The following INTS4 variants were observed in gnomAD, a reference collection of about 807,000 sequenced individuals.
The protein encoded by INTS4 is MSTP093.
Under a neutral mutation model 119.5 loss-of-function variants are expected in INTS4, and 70 were observed. The ratio of observed to expected loss-of-function variants is 0.59; its 90% confidence interval spans 0.48 to 0.71. The LOEUF is 0.71. Among genes scored for constraint, INTS4 ranks in the 30% least tolerant of loss-of-function variants. The pLI, the probability that INTS4 is intolerant of heterozygous loss-of-function variation, is 0.00. For missense variants in INTS4, 867 were observed against 1,173.2 expected (o/e 0.74, Z 3.81); for synonymous variants, 316 against 419.6 (o/e 0.75, Z 3.02).
rs1454984350 is a variant in INTS4 at position 77,961,199 on chromosome 11, T to C, written c.472-61A>G. The stretch of plus-strand genomic sequence containing the variant: ...AGAAAAAAAGGACATGATTAAGATA[T>C]CTTAACAAACACAGACAAGACCAGA... On this transcript the variant is annotated intron_variant, in intron 4 of 22. Coordinates refer to ENST00000534064, the MANE Select transcript of INTS4 (RefSeq NM_033547.4). The C allele has an allele frequency of 2.7e-6, 4 of 1,460,418 alleles. No individual in the cohort carries two copies. The African/African-American group carries it at 5.9e-5, about 21-fold the overall frequency. 90.5% of individuals were successfully genotyped at this position (1,460,418 alleles called of 1,614,324 possible).
At chr11:77,988,253 G>A (rs1190184698) in intron 2 of INTS4, among the ~76,000 whole-genome samples, 4 of 152,160 alleles carry the variant, frequency 2.6e-5, no homozygotes, top group Non-Finnish European at 5.9e-5. Flanking sequence ...GCAAACAATT[G>A]CAACGCATAA....
chr11:77,970,519 A>G (rs1189429787), intron 4 of INTS4, among the ~76,000 whole-genome samples: 1 of 151,744 alleles, frequency 6.6e-6, no homozygotes, highest in Non-Finnish European at 1.5e-5. Context: ...AGGAACTGCC[A>G]GACTGTTTTT....
At chr11:77,898,288 G>A (rs1042488233) in intron 18 of INTS4, among the ~76,000 whole-genome samples, 1 of 152,070 alleles carries the variant, frequency 6.6e-6, no homozygotes, top group Non-Finnish European at 1.5e-5. Context: ...TCAGCCTCCC[G>A]AGTAGCTGGG....
intron 14 of INTS4, among the ~76,000 whole-genome samples, chr11:77,920,642 G>A (rs913039040): frequency 6.6e-6 from 1 of 151,944 alleles, no homozygotes; most frequent in Non-Finnish European, 1.5e-5. Context: ...CACGAGGTCA[G>A]GAGATCAAGA....
At chr11:77,900,327 C>A (rs1952731889) in intron 18 of INTS4, among the ~76,000 whole-genome samples, 3 of 152,088 alleles carry the variant, frequency 2.0e-5, no homozygotes, top group Admixed American at 2.0e-4. Context: ...TCTTGATCTC[C>A]TGACCTCGTG....
intron 2 of INTS4, among the ~76,000 whole-genome samples, chr11:77,986,282 AC>A (rs1387822055): frequency 6.6e-6 from 1 of 152,254 alleles, no homozygotes; most frequent in East Asian, 1.9e-4. Flanking sequence ...AATCAAAACC[AC>A]AATGAGATAC....
intron 15 of INTS4, among the ~76,000 whole-genome samples, chr11:77,916,968 G>A (rs1202188314): frequency 6.6e-6 from 1 of 152,230 alleles, no homozygotes; most frequent in Non-Finnish European, 1.5e-5. Flanking sequence ...CTAAGTGAAT[G>A]AATGACCTAA....
intron 1 of INTS4, among the ~76,000 whole-genome samples, chr11:77,992,298 T>C (rs1856724073): frequency 6.6e-6 from 1 of 151,758 alleles, no homozygotes; most frequent in African/African-American, 2.4e-5. Flanking sequence ...TGCAGGAGGC[T>C]GAGGATTGCG....
chr11:77,904,942 G>C (rs1952897369), intron 16 of INTS4, among the ~76,000 whole-genome samples: 1 of 152,142 alleles, frequency 6.6e-6, no homozygotes. Context: ...GCTGACAAGG[G>C]GTGGACTTGT....
intron 8 of INTS4, among the ~76,000 whole-genome samples, chr11:77,944,073 C>T (rs1332514582): frequency 1.3e-5 from 2 of 152,150 alleles, no homozygotes; most frequent in African/African-American, 2.4e-5. Context: ...CTTACTGGGA[C>T]CTCAAGTTTC....
intron 10 of INTS4, among the ~76,000 whole-genome samples, chr11:77,935,903 A>AAAAAGAAAAGAAAGAGAG (rs1565256775): frequency 1.0e-4 from 9 of 86,976 alleles, no homozygotes; most frequent in Non-Finnish European, 1.3e-4. Flanking sequence ...CTCAAAAAAA[A>AAAAAGAAAAGAAAGAGAG]AAAAAAGAAA....
At chr11:77,986,271 A>G (rs1446031400) in intron 2 of INTS4, among the ~76,000 whole-genome samples, 1 of 152,276 alleles carries the variant, frequency 6.6e-6, no homozygotes, top group East Asian at 1.9e-4. Flanking sequence ...AGAGAAATGC[A>G]AATCAAAACC....
intron 8 of INTS4, among the ~76,000 whole-genome samples, chr11:77,951,175 A>G (rs1954184963): frequency 6.6e-6 from 1 of 152,166 alleles, no homozygotes; most frequent in African/African-American, 2.4e-5. Context: ...ATAGTGCCAC[A>G]ATAAACATAC....
intron 10 of INTS4, among the ~76,000 whole-genome samples, chr11:77,933,414 C>A (rs1444371831): frequency 6.6e-6 from 1 of 152,058 alleles, no homozygotes; most frequent in Non-Finnish European, 1.5e-5. Context: ...TTGGTGGAGA[C>A]GGGGTTTCGC....
chr11:77,956,083 T>C, intron 7 of INTS4, 21 bp from the exon 8 acceptor site: 1 of 1,580,542 alleles, frequency 6.3e-7, no homozygotes, highest in Admixed American at 1.9e-5. Context: ...AGAAAAGAAA[T>C]GAAATCACTT....
At chr11:77,949,009 C>T (rs566778319) in intron 8 of INTS4, among the ~76,000 whole-genome samples, 6 of 152,194 alleles carry the variant, frequency 3.9e-5, no homozygotes, top group East Asian at 3.9e-4. Context: ...GCGACAGTTT[C>T]GCTGTTATCC....
intron 12 of INTS4, among the ~76,000 whole-genome samples, chr11:77,924,155 G>A (rs915156313): frequency 6.6e-6 from 1 of 150,676 alleles, no homozygotes; most frequent in Non-Finnish European, 1.5e-5. Flanking sequence ...AGCACTTTGG[G>A]AGGCCGGGGC....
chr11:77,894,498 G>C (rs1169757135), intron 18 of INTS4, 149 bp from the exon 19 acceptor site: 5 of 535,490 alleles, frequency 9.3e-6, no homozygotes, highest in Admixed American at 3.9e-5. Flanking sequence ...ACTCCTAATG[G>C]ACCTGGGGGA....
intron 22 of INTS4, among the ~76,000 whole-genome samples, chr11:77,883,054 CA>C (rs1313315104): frequency 6.7e-6 from 1 of 148,664 alleles, no homozygotes; most frequent in African/African-American, 2.5e-5. Context: ...CCAGCCTGGG[CA>C]AGAGCAAGAC....
Sources: allele counts gnomAD v4.1 joint callset (sites outside exome capture counted in the v4.1 genomes callset), GRCh38; gene constraint gnomAD v4.1.1; transcripts MANE v1.5; gene names NCBI Gene and HGNC (gene_info 2026-07-23, HGNC 2026-07-21).